The following GLB1L2 variants were observed in gnomAD, a reference collection of about 807,000 sequenced individuals.
GLB1L2 encodes beta-galactosidase-1-like protein 2.
In GLB1L2, 68 loss-of-function variants were observed where a neutral mutation model predicts 84.1. The observed-to-expected ratio is 0.81, with a 90% confidence interval of 0.67 to 0.99. The LOEUF (loss-of-function observed/expected upper bound fraction) is 0.99, where lower values mean the gene tolerates loss of function less well. Ranked by LOEUF, GLB1L2 falls within the 50% of genes least tolerant of loss-of-function variation. The probability of loss-of-function intolerance (pLI) is 0.00; values close to 1 mark genes in which losing one functional copy is unlikely to be tolerated. For missense variants in GLB1L2, 762 were observed against 805.6 expected (o/e 0.95, Z 0.66); for synonymous variants, 290 against 318.0 (o/e 0.91, Z 0.94).
chr11:134,332,278 G>A, intron 1 of GLB1L2, 131 bp downstream of exon 1: 1 of 612,018 alleles, frequency 1.6e-6, no homozygotes, highest in South Asian at 2.0e-5. Context: ...TTCTTTCTGG[G>A]AGCTCCCCAA....
intron 3 of GLB1L2, 152 bp from the exon 4 acceptor site, chr11:134,344,882 C>G: frequency 2.2e-6 from 2 of 891,242 alleles, no homozygotes; most frequent in Non-Finnish European, 3.4e-6. Context: ...CTCAGGCCAC[C>G]GACCTGGTGT....
chr11:134,335,094 G>A lies in GLB1L2; in HGVS notation c.86+2947G>A, dbSNP rs151287149. On this transcript the variant is annotated intron_variant, in intron 1 of 18. Transcript: ENST00000535456. ...AGAGGTAAGTTCATTTCTTCTCTGA[G>A]GTCCGTCTCACACACTGCCCTGCCC... Among the ~76,000 whole-genome samples, 60 of 152,218 alleles carry A rather than the reference G, an allele frequency of 3.9e-4. 1 individual carries two copies. The East Asian group carries it at 0.011, about 29-fold the overall frequency.
At position 134,345,128 on chromosome 11, in the gene GLB1L2, A is replaced by G. The variant is rs1158905956; in HGVS notation, c.448A>G (p.Ser150Gly). The change falls in exon 4 of 19, where the codon AGC becomes GGC. Residue 150 changes from serine (S) to glycine (G), a missense_variant and splice_region_variant. Transcript: ENST00000535456. ...TGAGATGGACCTCGGGGGCTTGCCCAGGTAAGCGGGGTTGTGAAGGGTCCT... is the reference window on the plus strand; with the variant it reads ...TGAGATGGACCTCGGGGGCTTGCCCGGGTAAGCGGGGTTGTGAAGGGTCCT... Reference protein sequence around the residue: ...CSEMDLGGLPSWLLQDPGMRL... With the variant: ...CSEMDLGGLPGWLLQDPGMRL... 1 of 1,609,460 alleles carries G rather than the reference A, an allele frequency of 6.2e-7. No homozygotes were observed. The highest frequency in any genetic ancestry group is 8.5e-7 in the Non-Finnish European group (1 of 1,177,060).
In GLB1L2 at chr11:134,371,792, G is replaced by A. The variant is rs1283460943; in HGVS notation, c.1469G>A (p.Arg490Gln). 15 of 1,614,044 alleles carry A rather than the reference G, an allele frequency of 9.3e-6. No individual in the cohort carries two copies. Among genetic ancestry groups the A allele is most frequent in the African/African-American group, 5.3e-5 (4 of 74,926 alleles). ...VLRILVENRG[R>Q]VNYGENIDDQ... ...AGGATCTTGGTGGAGAATCGTGGGC[G>A]AGTCAACTATGGGGAGAATATTGAT... Residue 490 changes from arginine (R) to glutamine (Q), a missense_variant, in exon 15 of 19, where the codon CGA becomes CAA. By Grantham distance (43) the Arg-to-Gln change is conservative (BLOSUM62 1). Around this residue, in one of 3 missense-constraint regions of GLB1L2, gnomAD observed 603 missense variants for 611.7 expected, o/e 0.99. Coordinates refer to ENST00000535456, the MANE Select transcript of GLB1L2 (RefSeq NM_001370461.1).
chr11:134,349,436 G>A (rs1403362313), intron 5 of GLB1L2, among the ~76,000 whole-genome samples: 1 of 152,170 alleles, frequency 6.6e-6, no homozygotes, highest in Non-Finnish European at 1.5e-5. Context: ...CCCTGCTTTC[G>A]CTTCTTTTGG....
Position 134,370,240 on chromosome 11 carries a change from G to A in GLB1L2, c.1109-53G>A, listed in dbSNP as rs1276901375. On this transcript the variant is annotated intron_variant, in intron 11 of 18. Transcript: ENST00000535456. This position sits in a 1 kb window ranked among gnomAD's most constrained non-coding sequence, Gnocchi z 4.7. ...GATGGGAGCCGGGTGGGGAGGACGA[G>A]CAGGCAGTGACATTTGGGTCCGTTG... 5 of 1,464,896 alleles carry A rather than the reference G, an allele frequency of 3.4e-6. No homozygotes were observed. In the East Asian group the frequency reaches 6.8e-5, roughly 20 times the overall value. 90.7% of individuals were successfully genotyped at this position (1,464,896 alleles called of 1,614,324 possible). A position where few individuals can be genotyped will look rare whatever the true frequency, so the allele number is the denominator to read the frequency against.
At chr11:134,337,998 T>C (rs1369139041) in intron 1 of GLB1L2, among the ~76,000 whole-genome samples, 1 of 152,214 alleles carries the variant, frequency 6.6e-6, no homozygotes, top group African/African-American at 2.4e-5. Flanking sequence ...AGGACTTATG[T>C]TCTGGGAATC....
intron 7 of GLB1L2, among the ~76,000 whole-genome samples, chr11:134,362,345 C>T (rs940588827): frequency 3.3e-5 from 5 of 152,226 alleles, no homozygotes; most frequent in East Asian, 1.9e-4. Context: ...GCGTTCCTTC[C>T]CCGGCGCTGC....
chr11:134,371,367 C>T, intron 13 of GLB1L2, 54 bp from the exon 14 acceptor site: 2 of 1,249,034 alleles, frequency 1.6e-6, no homozygotes, highest in Non-Finnish European at 2.4e-6. Flanking sequence ...GGAGGAGGTC[C>T]CGCTTACCCT....
At position 134,334,341 on chromosome 11, in the gene GLB1L2, T is replaced by G. The variant is rs978604579; in HGVS notation, c.86+2194T>G. Among the ~76,000 whole-genome samples, 1 of 152,134 alleles carries G rather than the reference T, an allele frequency of 6.6e-6. No individual in the cohort carries two copies. The highest frequency in any genetic ancestry group is 2.4e-5 in the African/African-American group (1 of 41,406). ...GATGTTTGGCTATAGCTTTTCTTTT[T>G]TTTCATCAACTTTTCCTTGGGCTGG... On this transcript the variant is annotated intron_variant, in intron 1 of 18. Coordinates refer to ENST00000535456, the MANE Select transcript of GLB1L2 (RefSeq NM_001370461.1). This position sits in a 1 kb window ranked among gnomAD's most constrained non-coding sequence, Gnocchi z 4.1.
At chr11:134,366,627 T>C (rs908676286) in intron 8 of GLB1L2, among the ~76,000 whole-genome samples, 2 of 152,206 alleles carry the variant, frequency 1.3e-5, no homozygotes, top group African/African-American at 4.8e-5. Flanking sequence ...GGCCGTCCTA[T>C]GCCAAAGTCA....
intron 5 of GLB1L2, among the ~76,000 whole-genome samples, chr11:134,352,020 G>A (rs1192911789): frequency 3.9e-5 from 6 of 152,104 alleles, no homozygotes; most frequent in African/African-American, 9.7e-5. Context: ...GAAGACTGGC[G>A]TTAATTTTTC....
chr11:134,332,544 C>T (rs1183611248), intron 1 of GLB1L2, among the ~76,000 whole-genome samples: 2 of 152,164 alleles, frequency 1.3e-5, no homozygotes, highest in African/African-American at 4.8e-5. Context: ...CCCCAGGCCC[C>T]CCTTTTCCTC....
intron 3 of GLB1L2, 112 bp downstream of exon 3, chr11:134,344,567 G>C (rs1180168553): frequency 2.5e-6 from 3 of 1,187,740 alleles, no homozygotes; most frequent in East Asian, 2.3e-5. Flanking sequence ...CTGGAGTCCT[G>C]TTCTAGGACT....
At chr11:134,343,084 C>G (rs1565434189) in intron 2 of GLB1L2, 133 bp downstream of exon 2, 1 of 866,016 alleles carries the variant, frequency 1.2e-6, no homozygotes, top group Non-Finnish European at 1.7e-6. Flanking sequence ...CCCTCCTCCT[C>G]CCCACCACAG....
At position 134,344,921 on chromosome 11, in the gene GLB1L2, C is replaced by T. The variant is rs529712728; in HGVS notation, c.354-113C>T. On this transcript the variant is annotated intron_variant, in intron 3 of 18. Transcript: ENST00000535456. ...AGTCCCCGCGCTTTGGGGGTGGGGC[C>T]GAGCCGTCCCTTCGCCCCACCAGGC... 828 of 1,270,850 alleles carry T rather than the reference C, an allele frequency of 6.5e-4. 2 individuals are homozygous for T. Among genetic ancestry groups the T allele is most frequent in the Middle Eastern group, 4.1e-3 (15 of 3,660 alleles). The allele number at this position is 1,270,850 out of a possible 1,614,324, so 78.7% of individuals were successfully genotyped here.
chr11:134,343,254 C>G (rs1179521410), intron 2 of GLB1L2, among the ~76,000 whole-genome samples: 7 of 152,148 alleles, frequency 4.6e-5, no homozygotes, highest in African/African-American at 1.7e-4. Context: ...GCAGTCTTCC[C>G]ACTTCCAGTT....
At position 134,342,739 on chromosome 11, in the gene GLB1L2, T is replaced by C. The variant is rs368411867; in HGVS notation, c.87-15T>C. On this transcript the variant is annotated splice_polypyrimidine_tract_variant and intron_variant, in intron 1 of 18. Coordinates refer to ENST00000535456, the MANE Select transcript of GLB1L2 (RefSeq NM_001370461.1). ...CCCGGAGCCTCCAGGCTCCAGAATGTCTTTGTCTTTCCAGGCTGGACTGGA... is the reference window on the plus strand; with the variant it reads ...CCCGGAGCCTCCAGGCTCCAGAATGCCTTTGTCTTTCCAGGCTGGACTGGA... 35 of 1,611,168 alleles carry C rather than the reference T, an allele frequency of 2.2e-5. No homozygotes were observed. Among genetic ancestry groups the C allele is most frequent in the Admixed American group, 5.0e-5 (3 of 59,822 alleles).
intron 10 of GLB1L2, among the ~76,000 whole-genome samples, chr11:134,369,423 G>A (rs1943910365): frequency 7.1e-6 from 1 of 141,828 alleles, no homozygotes; most frequent in Admixed American, 7.2e-5. Flanking sequence ...TGGAACTCCT[G>A]GCCTCGAGCG....
Sources: gnomAD v4.1 joint callset for allele counts (sites outside exome capture counted in the v4.1 genomes callset) on GRCh38, gnomAD v4.1.1 for gene constraint, gnomAD v4.1.1 regional missense constraint, Gnocchi (gnomAD v3.1) non-coding constraint, MANE v1.5 for transcripts, NCBI Gene and HGNC (gene_info 2026-07-23, HGNC 2026-07-21) for gene names.